The following TXNDC16 variants were observed in gnomAD, a reference collection of about 807,000 sequenced individuals.
TXNDC16 encodes thioredoxin domain containing 16.
TXNDC16 carries 74 observed loss-of-function variants against 85.6 expected under a neutral mutation model. That is an observed-to-expected ratio of 0.86 (90% CI 0.72 to 1.05). TXNDC16 has a LOEUF of 1.05. Among genes scored for constraint, TXNDC16 ranks in the 50% least tolerant of loss-of-function variants. The probability of loss-of-function intolerance (pLI) is 0.00; values close to 1 mark genes in which losing one functional copy is unlikely to be tolerated. For synonymous variants in TXNDC16, 335 were observed against 326.5 expected (o/e 1.03, Z -0.28); for missense variants, 959 against 947.0 (o/e 1.01, Z -0.17).
intron 9 of TXNDC16, among the ~76,000 whole-genome samples, chr14:52,497,824 T>G (rs113487343): frequency 6.9e-6 from 1 of 144,432 alleles, no homozygotes; most frequent in Non-Finnish European, 1.5e-5. Flanking sequence ...GAGGTTGCAG[T>G]GAGCCGAGAT....
At chr14:52,504,211 T>C (rs539045536) in intron 9 of TXNDC16, among the ~76,000 whole-genome samples, 11 of 152,156 alleles carry the variant, frequency 7.2e-5, no homozygotes, top group African/African-American at 2.4e-4. Flanking sequence ...ATTCAGGAAA[T>C]ACAGAGAACA....
intron 1 of TXNDC16, 59 bp downstream of exon 1, chr14:52,552,257 C>G (rs1343750992): frequency 6.6e-6 from 1 of 152,470 alleles, no homozygotes; most frequent in Non-Finnish European, 1.5e-5. Flanking sequence ...GCTGCTTCGT[C>G]TGAATCCCCG....
chr14:52,438,063 A>T (rs2035072788), intron 20 of TXNDC16, among the ~76,000 whole-genome samples: 1 of 152,184 alleles, frequency 6.6e-6, no homozygotes, highest in Admixed American at 6.5e-5. Flanking sequence ...AAATTGCTGC[A>T]ATCTTATGAT....
chr14:52,436,931 G>C (rs1472901843), intron 20 of TXNDC16, among the ~76,000 whole-genome samples: 1 of 151,824 alleles, frequency 6.6e-6, no homozygotes, highest in Admixed American at 6.6e-5. Context: ...AGACCATCTA[G>C]TATCTAATAA....
At chr14:52,513,318 G>A (rs946580695) in intron 8 of TXNDC16, among the ~76,000 whole-genome samples, 2 of 152,052 alleles carry the variant, frequency 1.3e-5, no homozygotes, top group Non-Finnish European at 2.9e-5. Context: ...ATTAACAAGT[G>A]AAAGAAAGAA....
At chr14:52,472,188 CTT>C (rs918933014) in intron 14 of TXNDC16, among the ~76,000 whole-genome samples, 6 of 141,960 alleles carry the variant, frequency 4.2e-5, no homozygotes, top group African/African-American at 5.2e-5. Context: ...TTTAGTCTGT[CTT>C]TTTTTTTTTT....
rs75882242 is a variant in TXNDC16, at chr14:52,528,257, T to C, written c.392+8462A>G. On this transcript the variant is annotated intron_variant, in intron 6 of 20. Coordinates refer to ENST00000281741, the MANE Select transcript of TXNDC16 (RefSeq NM_020784.3). ...CTAAGTAAGGAACAACACAAATGCT[T>C]CGGGATAAAAGTAACAGCATGGGTT... is the stretch of plus-strand genomic sequence containing the variant. Among the ~76,000 whole-genome samples, 2,141 of 152,144 alleles carry C rather than the reference T, an allele frequency of 0.014. 104 individuals are homozygous for C. In the East Asian group the frequency reaches 0.16, roughly 12 times the overall value.
At chr14:52,523,397 T>G (rs1005331300) in intron 6 of TXNDC16, among the ~76,000 whole-genome samples, 3 of 152,154 alleles carry the variant, frequency 2.0e-5, no homozygotes, top group African/African-American at 7.2e-5. Context: ...AGCAAGCAAC[T>G]CAATCTTTTC....
At chr14:52,544,581 A>G (rs2037902289) in intron 1 of TXNDC16, among the ~76,000 whole-genome samples, 1 of 152,102 alleles carries the variant, frequency 6.6e-6, no homozygotes, top group South Asian at 2.1e-4. Context: ...ATTTTTCAGC[A>G]AAGAATAAAA....
intron 14 of TXNDC16, among the ~76,000 whole-genome samples, chr14:52,479,456 T>C (rs2036096483): frequency 6.6e-6 from 1 of 151,990 alleles, no homozygotes; most frequent in African/African-American, 2.4e-5. Flanking sequence ...ATAAAACAAT[T>C]CAGCAAAGTA....
chr14:52,436,501 T>C (rs535122527), intron 20 of TXNDC16, among the ~76,000 whole-genome samples: 1 of 152,306 alleles, frequency 6.6e-6, no homozygotes, highest in African/African-American at 2.4e-5. Context: ...ACAATGGTAG[T>C]AGTTGCATGA....
intron 14 of TXNDC16, among the ~76,000 whole-genome samples, chr14:52,474,992 A>C (rs1005239841): frequency 1.3e-5 from 2 of 152,190 alleles, no homozygotes; most frequent in African/African-American, 2.4e-5. Flanking sequence ...GTGAGTGCTC[A>C]AACTGTGGAA....
At position 52,432,155 on chromosome 14, in the gene TXNDC16, A is replaced by G; in HGVS notation, c.*149T>C. 3.0e-6 allele frequency: 2 copies of G among 659,258 alleles called. No individual in the cohort carries two copies. Among genetic ancestry groups the G allele is most frequent in the Non-Finnish European group, 4.5e-6 (2 of 442,252 alleles). 40.8% of individuals were successfully genotyped at this position (659,258 alleles called of 1,614,324 possible). A position where few individuals can be genotyped will look rare whatever the true frequency, so the allele number is the denominator to read the frequency against. On this transcript the variant is annotated 3_prime_UTR_variant, in exon 21 of 21. Transcript: ENST00000281741. Reference sequence around the variant, plus strand: ...TTTTACTTTGTTTAATGTAGTTACTAGAAAATTTTAAATAAAATATGTGAC... The same window carrying G: ...TTTTACTTTGTTTAATGTAGTTACTGGAAAATTTTAAATAAAATATGTGAC...
chr14:52,548,314 T>C (rs1357015599), intron 1 of TXNDC16, among the ~76,000 whole-genome samples: 2 of 152,152 alleles, frequency 1.3e-5, no homozygotes, highest in East Asian at 1.9e-4. Flanking sequence ...CCTTCATATT[T>C]ATTGGGTAGC....
chr14:52,464,760 T>C (rs1223491369), intron 16 of TXNDC16, among the ~76,000 whole-genome samples: 1 of 152,056 alleles, frequency 6.6e-6, no homozygotes, highest in African/African-American at 2.4e-5. Context: ...AGTGAAACCC[T>C]GTCTCTACTA....
At chr14:52,438,815 G>A (rs1566527197) in intron 20 of TXNDC16, among the ~76,000 whole-genome samples, 1 of 152,052 alleles carries the variant, frequency 6.6e-6, no homozygotes, top group East Asian at 1.9e-4. Flanking sequence ...CATGCACATG[G>A]AAAAAGCTGC....
chr14:52,452,016 TCAG>T (rs769020245), intron 18 of TXNDC16, among the ~76,000 whole-genome samples: 3 of 152,050 alleles, frequency 2.0e-5, no homozygotes, highest in Non-Finnish European at 4.4e-5. Flanking sequence ...AATACAAAAA[TCAG>T]CAGCATTTTT....
chr14:52,502,896 G>A (rs916317423), intron 9 of TXNDC16, among the ~76,000 whole-genome samples: 5 of 152,180 alleles, frequency 3.3e-5, no homozygotes, highest in African/African-American at 7.2e-5. Flanking sequence ...CTTTTCCAAC[G>A]GTCTTAGCAA....
intron 16 of TXNDC16, among the ~76,000 whole-genome samples, chr14:52,460,240 G>T (rs1309017617): frequency 1.3e-5 from 2 of 151,974 alleles, no homozygotes; most frequent in African/African-American, 4.8e-5. Flanking sequence ...ATCTCTGCAA[G>T]GAGAATTATA....
Sources: gnomAD v4.1 joint callset for allele counts (sites outside exome capture counted in the v4.1 genomes callset) on GRCh38, gnomAD v4.1.1 for gene constraint, MANE v1.5 for transcripts, NCBI Gene and HGNC (gene_info 2026-07-23, HGNC 2026-07-21) for gene names.